The following PRRX2 variants were observed in gnomAD, a reference collection of about 807,000 sequenced individuals.
PRRX2 encodes paired mesoderm homeobox protein 2.
In PRRX2, 11 loss-of-function variants were observed where a neutral mutation model predicts 18.0. That is an observed-to-expected ratio of 0.61 (90% CI 0.39 to 1.01). PRRX2 has a LOEUF of 1.01. Ranked by LOEUF, PRRX2 falls within the 50% of genes least tolerant of loss-of-function variation. The pLI, the probability that PRRX2 is intolerant of heterozygous loss-of-function variation, is 0.01. For missense variants in PRRX2, 387 were observed against 351.0 expected (o/e 1.10, Z -0.82); for synonymous variants, 177 against 154.8 (o/e 1.14, Z -1.06).
In PRRX2 at chr9:129,683,559, C is replaced by T. The variant is rs1274942924; in HGVS notation, c.259+17433C>T. On this transcript the variant is annotated intron_variant, in intron 1 of 3. Coordinates refer to ENST00000372469, the MANE Select transcript of PRRX2 (RefSeq NM_016307.4). ...GACCGTCCTGGCTAAAACGGTGAAA[C>T]CCTGTCTCTACTAAAAATACAAAAA... is the stretch of plus-strand genomic sequence containing the variant. Among the ~76,000 whole-genome samples, 3 of 152,040 alleles carry T rather than the reference C, an allele frequency of 2.0e-5. No individual in the cohort carries two copies. In the South Asian group the frequency reaches 6.2e-4, roughly 31 times the overall value.
chr9:129,683,177 A>G (rs1432415266), intron 1 of PRRX2, among the ~76,000 whole-genome samples: 1 of 152,108 alleles, frequency 6.6e-6, no homozygotes, highest in Non-Finnish European at 1.5e-5. Flanking sequence ...GGGTGAAGTC[A>G]CTGCCCATCA....
intron 1 of PRRX2, among the ~76,000 whole-genome samples, chr9:129,710,561 G>A (rs546864904): frequency 2.6e-5 from 4 of 152,206 alleles, no homozygotes; most frequent in East Asian, 1.9e-4. Context: ...GTGAAACCCC[G>A]TCTCTACTAA....
At chr9:129,696,120 G>A (rs555039354) in intron 1 of PRRX2, among the ~76,000 whole-genome samples, 61 of 152,052 alleles carry the variant, frequency 4.0e-4, no homozygotes, top group South Asian at 2.3e-3. Context: ...GTCACAGAAG[G>A]AGAGAAAGGG....
chr9:129,684,757 A>G (rs1832283268), intron 1 of PRRX2, among the ~76,000 whole-genome samples: 2 of 152,180 alleles, frequency 1.3e-5, no homozygotes, highest in Non-Finnish European at 2.9e-5. Flanking sequence ...ACGTTTATAA[A>G]GGAAGAGTTC....
chr9:129,699,628 T>C (rs1033134876), intron 1 of PRRX2, among the ~76,000 whole-genome samples: 3 of 152,170 alleles, frequency 2.0e-5, no homozygotes, highest in Non-Finnish European at 1.5e-5. Context: ...CATTCATTCA[T>C]TCACTTACAT....
chr9:129,716,440 A>C (rs987833907), intron 1 of PRRX2, among the ~76,000 whole-genome samples: 1 of 150,080 alleles, frequency 6.7e-6, no homozygotes, highest in Admixed American at 6.7e-5. Context: ...AACAGTACAT[A>C]CTATGCTTTC....
intron 1 of PRRX2, 50 bp downstream of exon 1, chr9:129,666,176 G>C: frequency 1.0e-6 from 1 of 992,888 alleles, no homozygotes; most frequent in Non-Finnish European, 1.2e-6. Context: ...GGCCGGGGCC[G>C]GGGCCGGGGC....
intron 1 of PRRX2, among the ~76,000 whole-genome samples, chr9:129,705,604 C>T (rs1192476610): frequency 6.6e-6 from 1 of 151,892 alleles, no homozygotes; most frequent in Non-Finnish European, 1.5e-5. Context: ...ATCTGCCCGC[C>T]TCGGCCTCCC....
Position 129,722,636 on chromosome 9 carries a change from T to G in PRRX2, c.*284T>G. ...TTGTGTATTAAAACCAAAAAGCTTT[T>G]GTCTTTAAGAAATAAAACCATTTTT... is the stretch of plus-strand genomic sequence containing the variant. On this transcript the variant is annotated 3_prime_UTR_variant, in exon 4 of 4. Transcript: ENST00000372469. 9.6e-6 allele frequency: 3 copies of G among 312,792 alleles called. No homozygotes were observed. The allele number at this position is 312,792 out of a possible 1,614,324, so 19.4% of individuals were successfully genotyped here. A position where few individuals can be genotyped will look rare whatever the true frequency, so the allele number is the denominator to read the frequency against.
rs756329628 is a variant in PRRX2, at chr9:129,719,361, C to G, written c.390C>G (p.Asp130Glu). The change falls in exon 2 of 4, where the codon GAC (aspartate) becomes GAG (glutamate). Residue 130 changes from aspartate (D) to glutamate (E), a missense_variant. Physicochemically the swap from Asp to Glu is conservative, Grantham distance 45. Transcript: ENST00000372469. The stretch of plus-strand genomic sequence containing the variant: ...TGTTCGAGCGCACGCACTACCCCGA[C>G]GCCTTTGTGCGCGAGGAGCTTGCCC... The part of the protein sequence containing the change: ...ERVFERTHYP[D>E]AFVREELARR... The G allele has an allele frequency of 1.0e-5, 16 of 1,571,584 alleles. No homozygotes were observed. The highest frequency in any genetic ancestry group is 1.8e-4 in the Middle Eastern group (1 of 5,684).
At chr9:129,668,920 A>C (rs1832063585) in intron 1 of PRRX2, among the ~76,000 whole-genome samples, 1 of 152,026 alleles carries the variant, frequency 6.6e-6, no homozygotes, top group Non-Finnish European at 1.5e-5. Context: ...AGGCTGAGGC[A>C]GTTGGATCAC....
chr9:129,665,854 G>T lies in PRRX2; in HGVS notation c.-14G>T. The stretch of plus-strand genomic sequence containing the variant: ...CCGAGACCCCCGCCGGCCCCCCCGG[G>T]GCCGCTCGCGGGCATGGACAGCGCG... On this transcript the variant is annotated 5_prime_UTR_variant, in exon 1 of 4. Transcript: ENST00000372469. This position sits in a 1 kb window ranked among gnomAD's most constrained non-coding sequence, Gnocchi z 5.3. 1 of 1,038,726 alleles carries T rather than the reference G, an allele frequency of 9.6e-7. No homozygotes were observed. The highest frequency in any genetic ancestry group is 1.2e-6 in the Non-Finnish European group (1 of 867,888). 64.3% of individuals were successfully genotyped at this position (1,038,726 alleles called of 1,614,324 possible).
chr9:129,682,144 T>A (rs1293605418), intron 1 of PRRX2, among the ~76,000 whole-genome samples: 1 of 152,020 alleles, frequency 6.6e-6, no homozygotes, highest in Non-Finnish European at 1.5e-5. Context: ...GGGGCCAGGA[T>A]GTCACATGGA....
chr9:129,709,138 AG>A lies in PRRX2; in HGVS notation c.260-10090del, dbSNP rs1057069299. Among the ~76,000 whole-genome samples, 1 of 151,974 alleles carries A rather than the reference AG, an allele frequency of 6.6e-6. No individual in the cohort carries two copies. The highest frequency in any genetic ancestry group is 2.4e-5 in the African/African-American group (1 of 41,380). On this transcript the variant is annotated intron_variant, in intron 1 of 3. Transcript: ENST00000372469. This position sits in a 1 kb window ranked among gnomAD's most constrained non-coding sequence, Gnocchi z 4.2. ...TAGCCAGTGCGGTGGGGATGGGGGA[AG>A]GGTGCCCTAGCTAGAGGGAACAGCA...
At chr9:129,716,043 CA>C (rs1832702701) in intron 1 of PRRX2, among the ~76,000 whole-genome samples, 1 of 152,084 alleles carries the variant, frequency 6.6e-6, no homozygotes, top group Non-Finnish European at 1.5e-5. Flanking sequence ...GACTAAAATC[CA>C]AAGCTCTTCT....
In PRRX2 at chr9:129,675,659, G is replaced by C. The variant is rs963479614; in HGVS notation, c.259+9533G>C. Among the ~76,000 whole-genome samples the C allele has an allele frequency of 8.2e-6, 1 of 121,252 alleles. No individual in the cohort carries two copies. The highest frequency in any genetic ancestry group is 2.3e-4 in the East Asian group (1 of 4,340). 79.5% of individuals were successfully genotyped at this position (121,252 alleles called of 152,430 possible). A position where few individuals can be genotyped will look rare whatever the true frequency, so the allele number is the denominator to read the frequency against. On this transcript the variant is annotated intron_variant, in intron 1 of 3. Coordinates refer to ENST00000372469, the MANE Select transcript of PRRX2 (RefSeq NM_016307.4). The surrounding 1 kb of genome is among the most constrained non-coding windows in gnomAD (Gnocchi z 4.4). ...CTCCCCCACTGCCGGTCTCCCCCTC[G>C]CTGGCCTCCCTTCTTGCCGTGGGCG... is the stretch of plus-strand genomic sequence containing the variant.
At chr9:129,681,093 C>A (rs1408974089) in intron 1 of PRRX2, among the ~76,000 whole-genome samples, 1 of 152,256 alleles carries the variant, frequency 6.6e-6, no homozygotes, top group Non-Finnish European at 1.5e-5. Context: ...CATGCACTCG[C>A]ACCCACACTC....
chr9:129,674,614 GC>G (rs1215262863), intron 1 of PRRX2, among the ~76,000 whole-genome samples: 3 of 152,088 alleles, frequency 2.0e-5, no homozygotes, highest in Middle Eastern at 3.4e-3. Flanking sequence ...GGACCCCCCC[GC>G]CCCCAGAGCT....
chr9:129,701,661 C>T (rs1832498662), intron 1 of PRRX2, among the ~76,000 whole-genome samples: 1 of 152,150 alleles, frequency 6.6e-6, no homozygotes, highest in Non-Finnish European at 1.5e-5. Context: ...AATCCATGCC[C>T]CATCCAAAAC....
Sources: allele counts gnomAD v4.1 joint callset (sites outside exome capture counted in the v4.1 genomes callset), GRCh38; gene constraint gnomAD v4.1.1; non-coding constraint Gnocchi (gnomAD v3.1); transcripts MANE v1.5; gene names NCBI Gene and HGNC (gene_info 2026-07-23, HGNC 2026-07-21).